ANXA10: variants seen among roughly 807,000 people sequenced by gnomAD.
ANXA10 encodes annexin 14.
Under a neutral mutation model 53.5 loss-of-function variants are expected in ANXA10, and 49 were observed. The ratio of observed to expected loss-of-function variants is 0.92; its 90% confidence interval spans 0.73 to 1.16. ANXA10 has a LOEUF of 1.16. Ranked by LOEUF, ANXA10 falls within the 50% of genes most tolerant of loss-of-function variation. ANXA10 has a pLI of 0.00. For synonymous variants in ANXA10, 131 were observed against 128.9 expected (o/e 1.02, Z -0.11); for missense variants, 393 against 394.4 (o/e 1.00, Z 0.03).
At position 168,184,815 on chromosome 4, in the gene ANXA10, T is replaced by G. The variant is rs1732334214; in HGVS notation, c.906+134T>G. 2.5e-6 allele frequency: 3 copies of G among 1,195,476 alleles called. No homozygotes were observed. The African/African-American group carries it at 4.6e-5, about 18-fold the overall frequency. The allele number at this position is 1,195,476 out of a possible 1,614,324, so 74.1% of individuals were successfully genotyped here. The stretch of plus-strand genomic sequence containing the variant: ...TTCAGACAGGGATAACCTAGTTTTT[T>G]TCCTCTACACAGTCTTTAGAACATC... On this transcript the variant is annotated intron_variant, in intron 11 of 11. Coordinates refer to ENST00000359299, the MANE Select transcript of ANXA10 (RefSeq NM_007193.5).
At chr4:168,176,553 G>C (rs1171223033) in intron 6 of ANXA10, among the ~76,000 whole-genome samples, 1 of 152,126 alleles carries the variant, frequency 6.6e-6, no homozygotes, top group African/African-American at 2.4e-5. Flanking sequence ...CAGCTAGATT[G>C]CAAGTTCCTC....
At chr4:168,128,354 A>G (rs1731106460) in intron 2 of ANXA10, among the ~76,000 whole-genome samples, 189 bp downstream of exon 2, 1 of 152,110 alleles carries the variant, frequency 6.6e-6, no homozygotes, top group African/African-American at 2.4e-5. Context: ...ATAATGATGA[A>G]CAAATTTGCC....
At chr4:168,137,193 C>T (rs1486468008) in intron 2 of ANXA10, among the ~76,000 whole-genome samples, 1 of 152,128 alleles carries the variant, frequency 6.6e-6, no homozygotes, top group African/African-American at 2.4e-5. Flanking sequence ...GTCAAGGAGC[C>T]ATTTTTTTAG....
At chr4:168,134,144 A>G (rs997119566) in intron 2 of ANXA10, among the ~76,000 whole-genome samples, 1 of 152,120 alleles carries the variant, frequency 6.6e-6, no homozygotes, top group African/African-American at 2.4e-5. Flanking sequence ...CAAAAATAAC[A>G]TAACTGGGAA....
chr4:168,119,389 G>T (rs1175674007), intron 1 of ANXA10, among the ~76,000 whole-genome samples: 3 of 152,194 alleles, frequency 2.0e-5, no homozygotes, highest in Non-Finnish European at 4.4e-5. Context: ...TCATAAGGCT[G>T]ATTTTCATTT....
At chr4:168,109,593 T>C (rs1730771588) in intron 1 of ANXA10, among the ~76,000 whole-genome samples, 1 of 152,188 alleles carries the variant, frequency 6.6e-6, no homozygotes. Flanking sequence ...TCATTCCCTC[T>C]TTAGGCAAGT....
intron 6 of ANXA10, among the ~76,000 whole-genome samples, chr4:168,167,257 A>G (rs1731897735): frequency 6.6e-6 from 1 of 152,104 alleles, no homozygotes; most frequent in Non-Finnish European, 1.5e-5. Flanking sequence ...TATCTACTTC[A>G]TGGTACCTTT....
chr4:168,129,088 A>G (rs751533253), intron 2 of ANXA10, among the ~76,000 whole-genome samples: 4 of 152,144 alleles, frequency 2.6e-5, no homozygotes, highest in Non-Finnish European at 5.9e-5. Flanking sequence ...TCTTTGCATA[A>G]GGCATGCAAA....
chr4:168,165,833 C>T (rs969691072), intron 6 of ANXA10, among the ~76,000 whole-genome samples: 7 of 151,996 alleles, frequency 4.6e-5, no homozygotes, highest in African/African-American at 2.4e-5. Flanking sequence ...CGTGCCACCA[C>T]ATCCAGCTAA....
intron 2 of ANXA10, among the ~76,000 whole-genome samples, 196 bp from the exon 3 acceptor site, chr4:168,139,290 A>G (rs943966007): frequency 3.3e-5 from 5 of 152,098 alleles, no homozygotes; most frequent in Non-Finnish European, 7.4e-5. Flanking sequence ...AAGTAATGGC[A>G]CTAAATTAGG....
chr4:168,143,655 G>T (rs1266208519), intron 3 of ANXA10, among the ~76,000 whole-genome samples: 1 of 152,208 alleles, frequency 6.6e-6, no homozygotes, highest in African/African-American at 2.4e-5. Context: ...AACAGACAAT[G>T]ATTCTTGGAG....
chr4:168,160,543 T>G (rs970846934), intron 3 of ANXA10, among the ~76,000 whole-genome samples: 1 of 152,042 alleles, frequency 6.6e-6, no homozygotes, highest in Non-Finnish European at 1.5e-5. Flanking sequence ...CTTTATAATA[T>G]TAATATAATG....
At chr4:168,186,432 G>A (rs1732371467) in intron 11 of ANXA10, among the ~76,000 whole-genome samples, 1 of 152,182 alleles carries the variant, frequency 6.6e-6, no homozygotes, top group African/African-American at 2.4e-5. Context: ...GATACTAGGA[G>A]GTGGGGTCTT....
rs376038129 is a variant in ANXA10 at position 168,164,287 on chromosome 4, G to T, written c.399G>T (p.Leu133Phe). ...EIFQMREAYC[L>F]QYSNNLQEDI... ...TCCAGATGCGAGAAGCCTACTGCTT[G>T]CGTAAGGAAATATACATATGTGAAT... Residue 133 changes from leucine to phenylalanine, a missense_variant and splice_region_variant, in exon 5 of 12, where the codon TTG becomes TTT. Physicochemically the swap from Leu to Phe is conservative, Grantham distance 22 (BLOSUM62 0). Transcript: ENST00000359299. 1 of 1,602,990 alleles carries T rather than the reference G, an allele frequency of 6.2e-7. No individual in the cohort carries two copies. The highest frequency in any genetic ancestry group is 8.5e-7 in the Non-Finnish European group (1 of 1,170,446).
rs1234282118 is a variant in ANXA10 at position 168,164,296 on chromosome 4, A to C, written c.400+8A>C. The C allele has an allele frequency of 4.4e-6, 7 of 1,582,062 alleles. No individual in the cohort carries two copies. Among genetic ancestry groups the C allele is most frequent in the Non-Finnish European group, 6.1e-6 (7 of 1,151,748 alleles). ...GAGAAGCCTACTGCTTGCGTAAGGA[A>C]ATATACATATGTGAATATATTTTAC... On this transcript the variant is annotated splice_region_variant and intron_variant, in intron 5 of 11. Coordinates refer to ENST00000359299, the MANE Select transcript of ANXA10 (RefSeq NM_007193.5).
chr4:168,121,128 G>C (rs1730978717), intron 1 of ANXA10, among the ~76,000 whole-genome samples: 2 of 151,980 alleles, frequency 1.3e-5, no homozygotes, highest in African/African-American at 4.8e-5. Context: ...ATTCTGAGTA[G>C]TGAGACTGAG....
At chr4:168,104,017 T>G (rs1730681373) in intron 1 of ANXA10, among the ~76,000 whole-genome samples, 1 of 151,952 alleles carries the variant, frequency 6.6e-6, no homozygotes, top group Non-Finnish European at 1.5e-5. Flanking sequence ...TATTTCACCT[T>G]TAATTTTAGA....
rs948495888 is a variant in ANXA10, at chr4:168,139,581, G to A, written c.195+1G>A. ...GGCATACCAGAGCATGTATGGCCGG[G>A]TAAGGCCACTTTATCTTGACCTATT... On this transcript the variant is annotated splice_donor_variant, in intron 3 of 11. Coordinates refer to ENST00000359299, the MANE Select transcript of ANXA10 (RefSeq NM_007193.5). LOFTEE classifies it high-confidence loss of function. The A allele has an allele frequency of 2.5e-6, 4 of 1,606,150 alleles. No individual in the cohort carries two copies. Among genetic ancestry groups the A allele is most frequent in the Non-Finnish European group, 3.4e-6 (4 of 1,173,758 alleles).
At chr4:168,168,321 C>G (rs186309563) in intron 6 of ANXA10, among the ~76,000 whole-genome samples, 6 of 152,324 alleles carry the variant, frequency 3.9e-5, no homozygotes, top group Non-Finnish European at 1.5e-5. Flanking sequence ...TGGCTAAACC[C>G]TCACTCAAGG....
Sources: allele counts gnomAD v4.1 joint callset (sites outside exome capture counted in the v4.1 genomes callset), GRCh38; gene constraint gnomAD v4.1.1; transcripts MANE v1.5; gene names NCBI Gene and HGNC (gene_info 2026-07-23, HGNC 2026-07-21).